Variants in CWF19L1 observed in about 807,000 individuals in gnomAD.
CWF19L1 encodes CWF19-like protein 1.
Under a neutral mutation model 69.7 loss-of-function variants are expected in CWF19L1, and 60 were observed. The observed-to-expected ratio is 0.86, with a 90% CI of 0.70 to 1.07. The LOEUF (loss-of-function observed/expected upper bound fraction) is 1.07. Ranked by LOEUF, CWF19L1 falls within the 50% of genes least tolerant of loss-of-function variation. The probability of loss-of-function intolerance (pLI) is 0.00; values close to 1 mark genes in which losing one functional copy is unlikely to be tolerated. For synonymous variants in CWF19L1, 209 were observed against 222.2 expected (o/e 0.94, Z 0.53); for missense variants, 591 against 638.9 (o/e 0.92, Z 0.81).
chr10:100,248,421 A>G, intron 7 of CWF19L1: 1 of 713,110 alleles, frequency 1.4e-6, no homozygotes, highest in South Asian at 1.5e-5. Flanking sequence ...ACGGGAAGGG[A>G]CTCACTTTCT....
chr10:100,245,272 C>T (rs923507595), intron 9 of CWF19L1, among the ~76,000 whole-genome samples: 1 of 151,988 alleles, frequency 6.6e-6, no homozygotes, highest in Non-Finnish European at 1.5e-5. Context: ...CCGCCTGGCT[C>T]AGCCTCCCAA....
intron 4 of CWF19L1, among the ~76,000 whole-genome samples, chr10:100,257,662 C>A (rs534983526): frequency 2.0e-5 from 3 of 152,028 alleles, no homozygotes; most frequent in Admixed American, 1.3e-4. Context: ...TTAAAGGTCA[C>A]CCTATATTTG....
At chr10:100,237,990 C>T in intron 11 of CWF19L1, 32 bp downstream of exon 11, 1 of 1,592,462 alleles carries the variant, frequency 6.3e-7, no homozygotes, top group Non-Finnish European at 8.6e-7. Flanking sequence ...CCCCATAGCG[C>T]CCTTCCAAGT....
At chr10:100,245,745 G>A in intron 9 of CWF19L1, 54 bp downstream of exon 9, 2 of 1,412,740 alleles carry the variant, frequency 1.4e-6, no homozygotes, top group Non-Finnish European at 2.0e-6. Flanking sequence ...CCAAAGAAAA[G>A]CCAAAATAAC....
At chr10:100,250,134 G>T in intron 7 of CWF19L1, 114 bp downstream of exon 7, 1 of 767,974 alleles carries the variant, frequency 1.3e-6, no homozygotes, top group Non-Finnish European at 2.3e-6. Flanking sequence ...CTCCGAAACT[G>T]CTGAGACCTT....
rs1846512155 is a variant in CWF19L1 at position 100,238,164 on chromosome 10, T to C, written c.1112A>G (p.Tyr371Cys). The C allele has an allele frequency of 1.9e-6, 3 of 1,614,164 alleles. No homozygotes were observed. Among genetic ancestry groups the C allele is most frequent in the Non-Finnish European group, 2.5e-6 (3 of 1,180,036 alleles). ...TGCTGAAAGCTCCACCACTGACTGG[T>C]AGTGTCCAATAGGCAGGATGAGGAC... ...DHVLILPIGH[Y>C]QSVVELSAEV... The change falls in exon 11 of 14, where the codon TAC becomes TGC. Residue 371 changes from tyrosine to cysteine, a missense_variant. Physicochemically the swap from Tyr to Cys is radical, Grantham distance 194 (BLOSUM62 -2). This residue lies in a region of CWF19L1 where 458 missense variants were observed against 489.3 expected (regional missense o/e 0.94). Coordinates refer to ENST00000354105, the MANE Select transcript of CWF19L1 (RefSeq NM_018294.6).
At chr10:100,261,846 T>C (rs1391260753) in intron 2 of CWF19L1, 133 bp downstream of exon 2, 2 of 667,970 alleles carry the variant, frequency 3.0e-6, no homozygotes, top group African/African-American at 3.8e-5. Context: ...AGCTACTAAG[T>C]TCCTATGCTC....
intron 1 of CWF19L1, chr10:100,262,485 A>G: frequency 1.0e-6 from 1 of 985,226 alleles, no homozygotes; most frequent in Non-Finnish European, 1.2e-6. Flanking sequence ...ACAGGGCTTC[A>G]GTCATTCATT....
At chr10:100,248,383 G>C (rs568362618) in intron 7 of CWF19L1, 8 of 788,988 alleles carry the variant, frequency 1.0e-5, no homozygotes, top group Non-Finnish European at 1.8e-5. Flanking sequence ...ATCTTTGACC[G>C]ATTCCATGGA....
intron 13 of CWF19L1, among the ~76,000 whole-genome samples, chr10:100,235,060 C>A (rs772100223): frequency 4.6e-5 from 7 of 152,112 alleles, no homozygotes; most frequent in Admixed American, 2.0e-4. Flanking sequence ...TAAATAAAAT[C>A]AAAAATTTAG....
chr10:100,261,343 T>C (rs374656672), intron 2 of CWF19L1, among the ~76,000 whole-genome samples: 1 of 152,238 alleles, frequency 6.6e-6, no homozygotes, highest in Non-Finnish European at 1.5e-5. Context: ...CCAGTCCCAC[T>C]CTGCCATTCA....
intron 10 of CWF19L1, among the ~76,000 whole-genome samples, chr10:100,240,279 T>C (rs1395236070): frequency 1.3e-5 from 2 of 152,154 alleles, no homozygotes; most frequent in African/African-American, 4.8e-5. Context: ...TCTGTGGCTA[T>C]GGACCATCAG....
chr10:100,235,861 A>G, intron 12 of CWF19L1, 97 bp from the exon 13 acceptor site: 1 of 854,372 alleles, frequency 1.2e-6, no homozygotes, highest in East Asian at 2.5e-5. Context: ...TAAATGCACA[A>G]GAAAAAAAGA....
rs200467836 is a variant in CWF19L1, at chr10:100,244,762, T to C, written c.965-985A>G. On this transcript the variant is annotated intron_variant, in intron 9 of 13. Transcript: ENST00000354105. ...TCCGCCTCCTGGGTTCAAGCGATTC[T>C]CATGCCTCAGCCTCCTGAGGAGCTG... is the stretch of plus-strand genomic sequence containing the variant. Among the ~76,000 whole-genome samples the C allele has an allele frequency of 6.6e-5, 10 of 151,920 alleles. No homozygotes were observed. In the East Asian group the frequency reaches 1.9e-3, roughly 30 times the overall value.
chr10:100,235,348 A>ATGCCCTCACCTCAATCTT (rs1420656617), intron 13 of CWF19L1, among the ~76,000 whole-genome samples: 1 of 152,202 alleles, frequency 6.6e-6, no homozygotes, highest in Non-Finnish European at 1.5e-5. Context: ...TCTGGCTAGA[A>ATGCCCTCACCTCAATCTT]TGCCCTCACC....
chr10:100,260,074 A>G (rs1393851783), intron 4 of CWF19L1, 144 bp downstream of exon 4: 1 of 570,534 alleles, frequency 1.8e-6, no homozygotes, highest in Non-Finnish European at 3.1e-6. Flanking sequence ...AGGCTGAGGC[A>G]GGAGAATCAC....
chr10:100,233,279 G>T lies in CWF19L1; in HGVS notation c.1565C>A (p.Ala522Asp). 2 of 1,613,882 alleles carry T rather than the reference G, an allele frequency of 1.2e-6. No homozygotes were observed. Among genetic ancestry groups the T allele is most frequent in the Non-Finnish European group, 1.7e-6 (2 of 1,179,922 alleles). ...CTCAAAGTCTTTCCGGAAGCGGCGA[G>T]CCAGGGTCTCCTCGTCTTCCTTGCT... ...QISKEDEETL[A>D]RRFRKDFEPY... Residue 522 changes from alanine to aspartate, a missense_variant, in exon 14 of 14, where the codon GCT (alanine) becomes GAT (aspartate). Coordinates refer to ENST00000354105, the MANE Select transcript of CWF19L1 (RefSeq NM_018294.6).
intron 13 of CWF19L1, 137 bp downstream of exon 13, chr10:100,235,530 A>T: frequency 1.7e-6 from 1 of 599,552 alleles, no homozygotes; most frequent in Non-Finnish European, 3.0e-6. Context: ...CATATATGTA[A>T]ACATCTGCCC....
Position 100,233,096 on chromosome 10 carries a change from C to T in CWF19L1, c.*131G>A. ...CCAGGAGGTTGAGGCTACAGTGAGCCACAGTTATGCCACTGCAATCCTGCT... is the reference window on the plus strand; with the variant it reads ...CCAGGAGGTTGAGGCTACAGTGAGCTACAGTTATGCCACTGCAATCCTGCT... On this transcript the variant is annotated 3_prime_UTR_variant, in exon 14 of 14. Transcript: ENST00000354105. 1 of 907,910 alleles carries T rather than the reference C, an allele frequency of 1.1e-6. No homozygotes were observed. The highest frequency in any genetic ancestry group is 1.6e-6 in the Non-Finnish European group (1 of 631,970). The allele number at this position is 907,910 out of a possible 1,614,324, so 56.2% of individuals were successfully genotyped here. A position where few individuals can be genotyped will look rare whatever the true frequency, so the allele number is the denominator to read the frequency against.
Sources: allele counts gnomAD v4.1 joint callset (sites outside exome capture counted in the v4.1 genomes callset), GRCh38; gene constraint gnomAD v4.1.1; regional missense constraint gnomAD v4.1.1; transcripts MANE v1.5; gene names NCBI Gene and HGNC (gene_info 2026-07-23, HGNC 2026-07-21).